POU2F3: variants seen among roughly 807,000 people sequenced by gnomAD.
The protein encoded by POU2F3 is POU domain, class 2, transcription factor 3.
A neutral mutation model predicts 59.2 loss-of-function variants in POU2F3; 23 were observed. The observed-to-expected ratio is 0.39, with a 90% confidence interval of 0.28 to 0.55. The LOEUF is 0.55. Among genes scored for constraint, POU2F3 ranks in the 20% least tolerant of loss-of-function variants. The pLI is 0.66. For missense variants in POU2F3, 473 were observed against 544.5 expected (o/e 0.87, Z 1.31); for synonymous variants, 190 against 214.6 (o/e 0.89, Z 1.00).
rs1177180480 is a variant in POU2F3, at chr11:120,274,084, AAAGAAAGGAAGGAAGGAAGG to A, written c.132+4864_132+4883del. ...AAGAGAGAAAGAAAGAAAAAGAGAG[AAAGAAAGGAAGGAAGGAAGG>A]AAGAAAGGAAGGAAGGAAGGAAGGA... On this transcript the variant is annotated intron_variant, in intron 3 of 12. Coordinates refer to ENST00000543440, the MANE Select transcript of POU2F3 (RefSeq NM_014352.4). Among the ~76,000 whole-genome samples, 1,095 of 130,650 alleles carry A rather than the reference AAAGAAAGGAAGGAAGGAAGG, an allele frequency of 8.4e-3. 16 individuals carry two copies. The highest frequency in any genetic ancestry group is 0.032 in the African/African-American group (1,030 of 31,798). The allele number at this position is 130,650 out of a possible 152,430, so 85.7% of individuals were successfully genotyped here. A position where few individuals can be genotyped will look rare whatever the true frequency, so the allele number is the denominator to read the frequency against.
chr11:120,282,182 A>G (rs1268707281), intron 3 of POU2F3, among the ~76,000 whole-genome samples: 3 of 152,186 alleles, frequency 2.0e-5, no homozygotes, highest in African/African-American at 7.2e-5. Context: ...TGCTTCACTC[A>G]GTCATTACTA....
intron 2 of POU2F3, among the ~76,000 whole-genome samples, chr11:120,262,786 A>G (rs1591387819): frequency 6.6e-6 from 1 of 152,154 alleles, no homozygotes; most frequent in African/African-American, 2.4e-5. Flanking sequence ...GCGCAATTGA[A>G]CTGCTTTAGC....
At chr11:120,306,185 G>A (rs187665254) in intron 8 of POU2F3, among the ~76,000 whole-genome samples, 4 of 152,192 alleles carry the variant, frequency 2.6e-5, no homozygotes, top group African/African-American at 9.7e-5. Context: ...CTCACTGGGA[G>A]GGGGAGACCA....
chr11:120,268,533 G>A (rs1408815902), intron 2 of POU2F3, among the ~76,000 whole-genome samples: 1 of 152,024 alleles, frequency 6.6e-6, no homozygotes, highest in African/African-American at 2.4e-5. Context: ...AGTAGCAATG[G>A]GGTCTCACTG....
intron 2 of POU2F3, among the ~76,000 whole-genome samples, chr11:120,251,888 G>A (rs1939119385): frequency 6.8e-6 from 1 of 147,204 alleles, no homozygotes; most frequent in African/African-American, 2.5e-5. Flanking sequence ...TCTGCCTCCA[G>A]GGTTCAAGCA....
intron 3 of POU2F3, among the ~76,000 whole-genome samples, chr11:120,296,742 G>C (rs972236638): frequency 6.6e-6 from 1 of 152,034 alleles, no homozygotes; most frequent in Non-Finnish European, 1.5e-5. Context: ...CCTTTTTATG[G>C]CTGCATAGTA....
intron 3 of POU2F3, among the ~76,000 whole-genome samples, chr11:120,287,581 T>A (rs187959094): frequency 6.6e-5 from 10 of 152,232 alleles, no homozygotes; most frequent in African/African-American, 1.9e-4. Flanking sequence ...ACTGGTAGAG[T>A]CCCTTGGCTC....
intron 2 of POU2F3, chr11:120,259,158 T>C (rs1939489145): frequency 6.6e-6 from 1 of 152,250 alleles, no homozygotes; most frequent in South Asian, 2.1e-4. Context: ...TTCATGACTG[T>C]GCATTTGAAG....
intron 10 of POU2F3, among the ~76,000 whole-genome samples, chr11:120,311,938 T>A (rs1941659392): frequency 6.6e-6 from 1 of 151,280 alleles, no homozygotes; most frequent in Admixed American, 6.6e-5. Flanking sequence ...ATGTGCGGAG[T>A]GTTGGGCAGG....
chr11:120,313,532 CT>C (rs1187739419), intron 10 of POU2F3, among the ~76,000 whole-genome samples: 1 of 152,218 alleles, frequency 6.6e-6, no homozygotes, highest in Non-Finnish European at 1.5e-5. Context: ...ATAGTTTCTT[CT>C]GCTTCTGGAA....
chr11:120,284,402 G>A (rs1940700551), intron 3 of POU2F3, among the ~76,000 whole-genome samples: 1 of 152,112 alleles, frequency 6.6e-6, no homozygotes, highest in Non-Finnish European at 1.5e-5. Flanking sequence ...TGCAAATAGA[G>A]TGTGGAGTGG....
At chr11:120,276,138 C>G (rs558770079) in intron 3 of POU2F3, among the ~76,000 whole-genome samples, 1 of 152,278 alleles carries the variant, frequency 6.6e-6, no homozygotes, top group South Asian at 2.1e-4. Context: ...TAAGTGCCCC[C>G]CCACAACCAG....
At chr11:120,246,198 G>A (rs749695522) in intron 1 of POU2F3, among the ~76,000 whole-genome samples, 1 of 152,142 alleles carries the variant, frequency 6.6e-6, no homozygotes, top group African/African-American at 2.4e-5. Context: ...GATGCAAAAG[G>A]TGAGAGACCC....
intron 2 of POU2F3, among the ~76,000 whole-genome samples, chr11:120,250,961 A>G (rs534726557): frequency 6.6e-6 from 1 of 151,362 alleles, no homozygotes; most frequent in Non-Finnish European, 1.5e-5. Flanking sequence ...TGGGTGACAG[A>G]GCAAAACTCC....
chr11:120,302,170 C>T, intron 5 of POU2F3, 116 bp from the exon 6 acceptor site: 2 of 833,078 alleles, frequency 2.4e-6, no homozygotes, highest in Admixed American at 2.2e-5. Flanking sequence ...GGTGGAGGGA[C>T]CTGATCAGGT....
chr11:120,307,329 C>T, intron 8 of POU2F3, 150 bp from the exon 9 acceptor site: 2 of 862,754 alleles, frequency 2.3e-6, no homozygotes, highest in Non-Finnish European at 3.6e-6. Context: ...GATTCTTGGT[C>T]TGTTCTGGGC....
intron 5 of POU2F3, 91 bp from the exon 6 acceptor site, chr11:120,302,195 A>C (rs771875069): frequency 9.2e-7 from 1 of 1,092,760 alleles, no homozygotes; most frequent in Non-Finnish European, 1.4e-6. Flanking sequence ...GGGGGTGGGG[A>C]CAGTGATCGT....
At chr11:120,317,852 A>T (rs148716796) in intron 12 of POU2F3, among the ~76,000 whole-genome samples, 474 of 152,322 alleles carry the variant, frequency 3.1e-3, no homozygotes, top group African/African-American at 0.011. Context: ...TCAGTTCATG[A>T]AGCAAAGAAT....
intron 1 of POU2F3, among the ~76,000 whole-genome samples, chr11:120,245,692 GA>G (rs943662589): frequency 1.3e-5 from 2 of 152,180 alleles, no homozygotes; most frequent in African/African-American, 4.8e-5. Flanking sequence ...TTAATTTATT[GA>G]AATGAAGCAG....
Sources: gnomAD v4.1 joint callset for allele counts (sites outside exome capture counted in the v4.1 genomes callset) on GRCh38, gnomAD v4.1.1 for gene constraint, MANE v1.5 for transcripts, NCBI Gene and HGNC (gene_info 2026-07-23, HGNC 2026-07-21) for gene names.